SH3BGR: variants seen among roughly 807,000 people sequenced by gnomAD.
The protein encoded by SH3BGR is SH3 domain-binding glutamic acid-rich protein.
Under a neutral mutation model 24.5 loss-of-function variants are expected in SH3BGR, and 29 were observed. That is an observed-to-expected ratio of 1.18 (90% confidence interval 0.88 to 1.61). SH3BGR has a LOEUF of 1.61. SH3BGR is among the 40% of genes most tolerant of loss of function. The pLI is 0.00. For synonymous variants in SH3BGR, 55 were observed against 65.7 expected (o/e 0.84, Z 0.79); for missense variants, 162 against 205.8 (o/e 0.79, Z 1.30).
intron 2 of SH3BGR, among the ~76,000 whole-genome samples, chr21:39,471,307 C>T (rs1279300102): frequency 6.6e-6 from 1 of 152,038 alleles, no homozygotes; most frequent in Non-Finnish European, 1.5e-5. Context: ...ATTGGCCAGG[C>T]GAGATGTTGC....
At chr21:39,480,981 T>A (rs1242410964) in intron 3 of SH3BGR, among the ~76,000 whole-genome samples, 1 of 152,224 alleles carries the variant, frequency 6.6e-6, no homozygotes, top group African/African-American at 2.4e-5. Flanking sequence ...GGCCACTTTG[T>A]TCCTTTCCCC....
At chr21:39,506,735 C>A (rs1261406301) in intron 4 of SH3BGR, among the ~76,000 whole-genome samples, 1 of 152,102 alleles carries the variant, frequency 6.6e-6, no homozygotes, top group Non-Finnish European at 1.5e-5. Flanking sequence ...GTGATGATTG[C>A]AAGTCAAGGT....
intron 2 of SH3BGR, among the ~76,000 whole-genome samples, chr21:39,469,996 T>C (rs1391785054): frequency 1.3e-5 from 2 of 152,124 alleles, no homozygotes; most frequent in African/African-American, 2.4e-5. Flanking sequence ...TGTTAAGATA[T>C]TTATACCTTT....
intron 3 of SH3BGR, among the ~76,000 whole-genome samples, chr21:39,497,721 T>G (rs2123490832): frequency 6.6e-6 from 1 of 152,274 alleles, no homozygotes; most frequent in South Asian, 2.1e-4. Context: ...GCTAAAAATT[T>G]ATAAAAAATA....
chr21:39,462,371 C>A lies in SH3BGR; in HGVS notation c.46-4C>A. 1 of 1,592,996 alleles carries A rather than the reference C, an allele frequency of 6.3e-7. No individual in the cohort carries two copies. The highest frequency in any genetic ancestry group is 1.2e-5 in the South Asian group (1 of 86,394). ...CAGCCTAATATTTCTCTACTCTTGA[C>A]CAGATTAGGAAGAAACAGCAAGAAG... is the stretch of plus-strand genomic sequence containing the variant. On this transcript the variant is annotated splice_region_variant and splice_polypyrimidine_tract_variant and intron_variant, in intron 1 of 6. Transcript: ENST00000333634.
intron 3 of SH3BGR, 151 bp downstream of exon 3, chr21:39,475,366 GA>G (rs2078010754): frequency 4.2e-6 from 2 of 477,796 alleles, no homozygotes; most frequent in Admixed American, 3.6e-5. Context: ...TATGCATAGA[GA>G]GAATGCAGTT....
Position 39,475,161 on chromosome 21 carries a change from A to G in SH3BGR, c.258A>G (p.Lys86=). 6.2e-7 allele frequency: 1 copy of G among 1,611,952 alleles called. No individual in the cohort carries two copies. Among genetic ancestry groups the G allele is most frequent in the South Asian group, 1.1e-5 (1 of 91,032 alleles). ...ATTTTGACTCTTTCTTCTCTGCAAAAGAAGAGAATATTATTTATTCCTTCC... is the reference window on the plus strand; with the variant it reads ...ATTTTGACTCTTTCTTCTCTGCAAAGGAAGAGAATATTATTTATTCCTTCC... ...CGDFDSFFSA[K]EENIIYSFLG... is the part of the protein sequence containing the mutation. The change falls in exon 3 of 7, where the codon AAA becomes AAG. Residue 86 remains lysine, a synonymous_variant. Transcript: ENST00000333634.
chr21:39,515,063 C>A (rs1322472385), intron 6 of SH3BGR, 25 bp from the exon 7 acceptor site: 3 of 467,280 alleles, frequency 6.4e-6, no homozygotes, highest in African/African-American at 6.0e-5. Flanking sequence ...TACAGTCTTT[C>A]CCTAATATTT....
chr21:39,474,929 A>G (rs547667022), intron 2 of SH3BGR, among the ~76,000 whole-genome samples: 3 of 152,244 alleles, frequency 2.0e-5, no homozygotes, highest in African/African-American at 7.2e-5. Flanking sequence ...GTATACAAGC[A>G]CAATGAAAGT....
At chr21:39,485,357 G>T (rs1262198892) in intron 3 of SH3BGR, among the ~76,000 whole-genome samples, 3 of 152,122 alleles carry the variant, frequency 2.0e-5, no homozygotes, top group Non-Finnish European at 4.4e-5. Context: ...AGAGGAATCG[G>T]GCAGGGAGAA....
At chr21:39,461,862 T>A (rs527664906) in intron 1 of SH3BGR, among the ~76,000 whole-genome samples, 1 of 152,156 alleles carries the variant, frequency 6.6e-6, no homozygotes, top group Admixed American at 6.6e-5. Flanking sequence ...TATTTATATT[T>A]TTTTGGGATG....
chr21:39,462,899 G>A (rs1480007371), intron 2 of SH3BGR, among the ~76,000 whole-genome samples: 1 of 152,200 alleles, frequency 6.6e-6, no homozygotes, highest in East Asian at 1.9e-4. Flanking sequence ...TATCTGCAGA[G>A]GAACATGGTA....
chr21:39,474,983 TGG>T, intron 2 of SH3BGR, 150 bp from the exon 3 acceptor site: 1 of 580,312 alleles, frequency 1.7e-6, no homozygotes. Flanking sequence ...TTCTTAACTC[TGG>T]AGGTTAGTCA....
intron 2 of SH3BGR, among the ~76,000 whole-genome samples, chr21:39,468,001 C>A (rs557637834): frequency 2.0e-5 from 3 of 152,364 alleles, no homozygotes; most frequent in African/African-American, 7.2e-5. Context: ...AGAGCAGACA[C>A]ATCTCTTGAT....
intron 4 of SH3BGR, among the ~76,000 whole-genome samples, chr21:39,500,697 C>T (rs1423171285): frequency 1.3e-5 from 2 of 152,128 alleles, no homozygotes; most frequent in Non-Finnish European, 2.9e-5. Flanking sequence ...GTAGCAAAGA[C>T]TATTTTTCAA....
intron 1 of SH3BGR, among the ~76,000 whole-genome samples, 181 bp downstream of exon 1, chr21:39,452,322 G>T (rs565849055): frequency 1.3e-5 from 2 of 152,284 alleles, no homozygotes; most frequent in East Asian, 3.9e-4. Context: ...CATGGAAAGG[G>T]TGTAATCTGG....
chr21:39,486,539 T>C (rs561034422), intron 3 of SH3BGR, among the ~76,000 whole-genome samples: 1 of 152,294 alleles, frequency 6.6e-6, no homozygotes, highest in East Asian at 1.9e-4. Context: ...ATCTATTTAT[T>C]AATAAAACTG....
intron 1 of SH3BGR, among the ~76,000 whole-genome samples, chr21:39,446,426 C>G (rs1443821524): frequency 6.6e-6 from 1 of 152,154 alleles, no homozygotes; most frequent in Non-Finnish European, 1.5e-5. Flanking sequence ...GAGGTCACCC[C>G]TGACTGTTTC....
At chr21:39,476,456 A>C (rs2078029401) in intron 3 of SH3BGR, among the ~76,000 whole-genome samples, 1 of 152,228 alleles carries the variant, frequency 6.6e-6, no homozygotes, top group Admixed American at 6.5e-5. Context: ...ACGAGGGACT[A>C]TGCATAGACA....
Sources: allele counts gnomAD v4.1 joint callset (sites outside exome capture counted in the v4.1 genomes callset), GRCh38; gene constraint gnomAD v4.1.1; transcripts MANE v1.5; gene names NCBI Gene and HGNC (gene_info 2026-07-23, HGNC 2026-07-21).